Variants in HS6ST3 observed in about 807,000 individuals in gnomAD.
HS6ST3 encodes heparan-sulfate 6-O-sulfotransferase 3.
A neutral mutation model predicts 36.7 loss-of-function variants in HS6ST3; 12 were observed. That is an observed-to-expected ratio of 0.33 (90% confidence interval 0.21 to 0.53). The LOEUF (loss-of-function observed/expected upper bound fraction) is 0.53, where lower values mean the gene tolerates loss of function less well. Ranked by LOEUF, HS6ST3 falls within the 20% of genes least tolerant of loss-of-function variation. The pLI, the probability that HS6ST3 is intolerant of heterozygous loss-of-function variation, is 0.95. For missense variants in HS6ST3, 584 were observed against 640.9 expected (o/e 0.91, Z 0.96); for synonymous variants, 240 against 257.5 (o/e 0.93, Z 0.65).
At chr13:96,473,632 T>C (rs1228214260) in intron 1 of HS6ST3, among the ~76,000 whole-genome samples, 1 of 152,204 alleles carries the variant, frequency 6.6e-6, no homozygotes, top group Non-Finnish European at 1.5e-5. Context: ...ACTCAGAATA[T>C]CTGCCCCTGC....
At chr13:96,464,159 A>AAAAAAAAAAAAAAAAAAAAAC (rs2055800487) in intron 1 of HS6ST3, among the ~76,000 whole-genome samples, 1 of 149,762 alleles carries the variant, frequency 6.7e-6, no homozygotes. Context: ...AAAAAAAAAA[A>AAAAAAAAAAAAAAAAAAAAAC]AATCAAAGAT....
intron 1 of HS6ST3, among the ~76,000 whole-genome samples, chr13:96,222,358 C>G (rs1172485789): frequency 6.6e-6 from 1 of 152,174 alleles, no homozygotes; most frequent in Non-Finnish European, 1.5e-5. Flanking sequence ...TGCAACATTT[C>G]TTGTGGTACA....
intron 1 of HS6ST3, among the ~76,000 whole-genome samples, chr13:96,744,327 AT>A (rs1457956850): frequency 1.3e-5 from 2 of 152,062 alleles, no homozygotes; most frequent in Non-Finnish European, 2.9e-5. Flanking sequence ...AAATAATCAT[AT>A]TTTTTACAAC....
At chr13:96,448,377 T>C (rs956901369) in intron 1 of HS6ST3, among the ~76,000 whole-genome samples, 2 of 152,282 alleles carry the variant, frequency 1.3e-5, no homozygotes. Context: ...TTTCCCCTCG[T>C]TTAAAATTAC....
intron 1 of HS6ST3, among the ~76,000 whole-genome samples, chr13:96,822,746 G>C (rs147406946): frequency 1.5e-4 from 23 of 152,264 alleles, no homozygotes; most frequent in African/African-American, 5.3e-4. Flanking sequence ...AAAGTTAGCT[G>C]ACACCCAGCC....
intron 1 of HS6ST3, among the ~76,000 whole-genome samples, chr13:96,426,568 A>AT (rs1291198714): frequency 1.3e-5 from 2 of 152,152 alleles, no homozygotes; most frequent in African/African-American, 4.8e-5. Context: ...TCCCTTTGCC[A>AT]TTTTAAAGGG....
chr13:96,283,928 C>T (rs980496652), intron 1 of HS6ST3, among the ~76,000 whole-genome samples: 2 of 152,146 alleles, frequency 1.3e-5, no homozygotes, highest in African/African-American at 4.8e-5. Flanking sequence ...ATAGAGGGTA[C>T]AGATGGTTCA....
At chr13:96,266,781 C>T (rs906976797) in intron 1 of HS6ST3, among the ~76,000 whole-genome samples, 11 of 152,072 alleles carry the variant, frequency 7.2e-5, no homozygotes, top group South Asian at 6.2e-4. Context: ...GCTTATTGAA[C>T]GCCTGTTCAA....
intron 1 of HS6ST3, among the ~76,000 whole-genome samples, chr13:96,118,812 G>T (rs982346570): frequency 2.9e-5 from 4 of 139,616 alleles, no homozygotes; most frequent in Admixed American, 7.4e-5. Flanking sequence ...CCGGGTTCAC[G>T]CCATTCTCCT....
At chr13:96,546,914 GTTGTTGTAGCTATGCACCTC>G (rs1186134589) in intron 1 of HS6ST3, among the ~76,000 whole-genome samples, 2 of 152,184 alleles carry the variant, frequency 1.3e-5, no homozygotes, top group Admixed American at 1.3e-4. Context: ...AGAGTCCACA[GTTGTTGTAGCTATGCACCTC>G]TTGTATTTAC....
chr13:96,788,518 G>C (rs1048845689), intron 1 of HS6ST3, among the ~76,000 whole-genome samples: 1 of 151,702 alleles, frequency 6.6e-6, no homozygotes, highest in Non-Finnish European at 1.5e-5. Context: ...ATGCAGTTTT[G>C]CAACTCTTTA....
In HS6ST3 at chr13:96,536,712, A is replaced by G. The variant is rs948999986; in HGVS notation, c.708-295778A>G. Among the ~76,000 whole-genome samples, 20 of 152,198 alleles carry G rather than the reference A, an allele frequency of 1.3e-4. 1 individual carries two copies. The highest frequency in any genetic ancestry group is 3.9e-4 in the Admixed American group (6 of 15,286). On this transcript the variant is annotated intron_variant, in intron 1 of 1. Transcript: ENST00000376705. ...TGCTTGCCACCCTCTACCATTTTTC[A>G]GGATAATCTGAAACAGCCAGGTAGA... is the stretch of plus-strand genomic sequence containing the variant.
At chr13:96,502,700 C>G (rs1161001651) in intron 1 of HS6ST3, among the ~76,000 whole-genome samples, 2 of 152,144 alleles carry the variant, frequency 1.3e-5, no homozygotes, top group African/African-American at 4.8e-5. Context: ...ATGCCCATGT[C>G]TGGGACGGGA....
intron 1 of HS6ST3, among the ~76,000 whole-genome samples, chr13:96,126,610 C>T (rs897287698): frequency 1.3e-5 from 2 of 152,244 alleles, no homozygotes; most frequent in African/African-American, 4.8e-5. Flanking sequence ...ATAAGGTGTG[C>T]AGATAAGGTT....
chr13:96,192,506 C>A (rs1287170395), intron 1 of HS6ST3, among the ~76,000 whole-genome samples: 1 of 151,788 alleles, frequency 6.6e-6, no homozygotes, highest in East Asian at 1.9e-4. Flanking sequence ...CCATGTGTAC[C>A]CATTGTTTAG....
chr13:96,134,911 T>C (rs1421615046), intron 1 of HS6ST3, among the ~76,000 whole-genome samples: 1 of 152,194 alleles, frequency 6.6e-6, no homozygotes, highest in Non-Finnish European at 1.5e-5. Flanking sequence ...GAGTTTTTCT[T>C]TTCTTGCATC....
At position 96,687,360 on chromosome 13, in the gene HS6ST3, C is replaced by T. The variant is rs754933830; in HGVS notation, c.708-145130C>T. On this transcript the variant is annotated intron_variant, in intron 1 of 1. Coordinates refer to ENST00000376705, the MANE Select transcript of HS6ST3 (RefSeq NM_153456.4). ...CATGGTGTGTTCTTTTTTGTGTGTG[C>T]GATTTGGTCACAGTTGGCTGAAAGT... is the stretch of plus-strand genomic sequence containing the variant. Among the ~76,000 whole-genome samples, 4 of 151,650 alleles carry T rather than the reference C, an allele frequency of 2.6e-5. No individual in the cohort carries two copies. In the East Asian group the frequency reaches 5.8e-4, roughly 22 times the overall value.
chr13:96,154,009 TG>T (rs1177689526), intron 1 of HS6ST3, among the ~76,000 whole-genome samples: 1 of 152,146 alleles, frequency 6.6e-6, no homozygotes, highest in Non-Finnish European at 1.5e-5. Context: ...TTTTCTCAGT[TG>T]TAATATGGGA....
At chr13:96,484,626 C>G (rs1468206910) in intron 1 of HS6ST3, among the ~76,000 whole-genome samples, 4 of 152,170 alleles carry the variant, frequency 2.6e-5, no homozygotes, top group Non-Finnish European at 5.9e-5. Context: ...TGGCTTATTT[C>G]ACTTAGCGTA....
Sources: allele counts gnomAD v4.1 joint callset (sites outside exome capture counted in the v4.1 genomes callset), GRCh38; gene constraint gnomAD v4.1.1; transcripts MANE v1.5; gene names NCBI Gene and HGNC (gene_info 2026-07-23, HGNC 2026-07-21).